The following TLE1 variants were observed in gnomAD, a reference collection of about 807,000 sequenced individuals.
TLE1 encodes the protein transducin-like enhancer protein 1.
Under a neutral mutation model 89.8 loss-of-function variants are expected in TLE1, and 21 were observed. The observed-to-expected ratio is 0.23, with a 90% CI of 0.17 to 0.34. The LOEUF is 0.34. TLE1 is among the 10% of genes least tolerant of loss of function. TLE1 has a pLI of 1.00. For missense variants in TLE1, 795 were observed against 1,031.2 expected, an observed-to-expected ratio of 0.77 and a Z score of 3.14; for synonymous variants, 447 against 407.6, an observed-to-expected ratio of 1.10 and a Z score of -1.16.
intron 14 of TLE1, among the ~76,000 whole-genome samples, chr9:81,595,637 T>G (rs942353318): frequency 6.6e-6 from 1 of 150,906 alleles, no homozygotes; most frequent in Non-Finnish European, 1.5e-5. Flanking sequence ...GCTAACAGAG[T>G]GAAACCCCAT....
At chr9:81,617,213 A>G (rs1824651373) in intron 9 of TLE1, among the ~76,000 whole-genome samples, 1 of 152,094 alleles carries the variant, frequency 6.6e-6, no homozygotes, top group Non-Finnish European at 1.5e-5. Context: ...TTTTCTCTTA[A>G]GTAACAAAAA....
intron 9 of TLE1, 48 bp from the exon 10 acceptor site, chr9:81,616,747 T>C (rs766809076): frequency 4.4e-6 from 7 of 1,604,976 alleles, no homozygotes; most frequent in Non-Finnish European, 6.0e-6. Flanking sequence ...TAAGAATAGG[T>C]TTGAGGCACA....
intron 4 of TLE1, among the ~76,000 whole-genome samples, chr9:81,665,344 C>T (rs1260835425): frequency 2.6e-5 from 4 of 152,152 alleles, no homozygotes; most frequent in Admixed American, 2.0e-4. Context: ...CTAATCAGAA[C>T]ACAAGTCACC....
intron 5 of TLE1, 70 bp from the exon 6 acceptor site, chr9:81,652,358 A>T (rs1829662883): frequency 3.0e-6 from 4 of 1,354,920 alleles, no homozygotes; most frequent in Non-Finnish European, 4.2e-6. Context: ...TAACAACAAA[A>T]AGTCAAATGC....
At position 81,610,967 on chromosome 9, in the gene TLE1, A is replaced by C. The variant is rs562721319; in HGVS notation, c.1255-671T>G. Among the ~76,000 whole-genome samples the C allele has an allele frequency of 1.4e-4, 22 of 152,268 alleles. No homozygotes were observed. In the South Asian group the frequency reaches 4.6e-3, roughly 32 times the overall value. On this transcript the variant is annotated intron_variant, in intron 13 of 19. Transcript: ENST00000376499. ...CCGCCACTGCACAGCCTCTCCTACA[A>C]GTGCAATATCAGGAAAAACAAATGA... is the stretch of plus-strand genomic sequence containing the variant.
chr9:81,615,178 G>A (rs1268735253), intron 11 of TLE1, among the ~76,000 whole-genome samples: 1 of 147,934 alleles, frequency 6.8e-6, no homozygotes, highest in African/African-American at 2.5e-5. Flanking sequence ...CTAATGTATG[G>A]TGGTACCAGG....
chr9:81,587,924 G>GTGTGTCATCCCACC (rs1554716661), intron 16 of TLE1, 96 bp from the exon 17 acceptor site: 4 of 1,019,684 alleles, frequency 3.9e-6, no homozygotes, highest in Non-Finnish European at 5.4e-6. Flanking sequence ...GTGTGTGTGT[G>GTGTGTCATCCCACC]TGTGTGTGTG....
chr9:81,614,337 A>C lies in TLE1; in HGVS notation c.919-816T>G, dbSNP rs556684240. ...CTTACCAATATGCCTAAAAAGAACA[A>C]CACTTTGGAGTTAAGAGTCACTGCC... is the stretch of plus-strand genomic sequence containing the variant. On this transcript the variant is annotated intron_variant, in intron 11 of 19. Coordinates refer to ENST00000376499, the MANE Select transcript of TLE1 (RefSeq NM_005077.5). Among the ~76,000 whole-genome samples, 5 of 152,300 alleles carry C rather than the reference A, an allele frequency of 3.3e-5. No homozygotes were observed. In the East Asian group the frequency reaches 7.8e-4, roughly 24 times the overall value.
chr9:81,615,533 T>C (rs1384189462), intron 11 of TLE1, among the ~76,000 whole-genome samples: 4 of 112,232 alleles, frequency 3.6e-5, no homozygotes, highest in Non-Finnish European at 6.8e-5. Context: ...ACCCCATCTC[T>C]ACTAAAAATA....
Position 81,584,157 on chromosome 9 carries a change from T to G in TLE1, c.*41A>C, listed in dbSNP as rs778520235. 2 of 1,525,716 alleles carry G rather than the reference T, an allele frequency of 1.3e-6. No homozygotes were observed. Among genetic ancestry groups the G allele is most frequent in the East Asian group, 4.5e-5 (2 of 44,432 alleles). The allele number at this position is 1,525,716 out of a possible 1,614,324, so 94.5% of individuals were successfully genotyped here. On this transcript the variant is annotated 3_prime_UTR_variant, in exon 20 of 20. Coordinates refer to ENST00000376499, the MANE Select transcript of TLE1 (RefSeq NM_005077.5). ...TCTATTTCTATAAATTCGAAACATT[T>G]TGGCCCAATTCAACTATAAACGTTA... is the stretch of plus-strand genomic sequence containing the variant.
At chr9:81,674,030 C>CTTTA (rs1167627166) in intron 4 of TLE1, among the ~76,000 whole-genome samples, 2 of 152,136 alleles carry the variant, frequency 1.3e-5, no homozygotes, top group African/African-American at 4.8e-5. Flanking sequence ...ACTCACTAAT[C>CTTTA]CATAGAGGCC....
intron 6 of TLE1, among the ~76,000 whole-genome samples, chr9:81,650,010 T>C (rs1829347526): frequency 6.6e-6 from 1 of 152,168 alleles, no homozygotes; most frequent in African/African-American, 2.4e-5. Context: ...AAACCGCACA[T>C]GCCAGTATGC....
At chr9:81,586,119 G>A (rs1026954668) in intron 17 of TLE1, among the ~76,000 whole-genome samples, 2 of 150,022 alleles carry the variant, frequency 1.3e-5, no homozygotes, top group African/African-American at 4.9e-5. Context: ...TTGGGTTCAC[G>A]CCATTCTCCT....
chr9:81,678,380 A>ATT (rs35206989), intron 4 of TLE1, among the ~76,000 whole-genome samples: 6 of 151,820 alleles, frequency 4.0e-5, no homozygotes, highest in South Asian at 2.1e-4. Context: ...GGCCCAATTA[A>ATT]TTTTTTTTAA....
intron 8 of TLE1, among the ~76,000 whole-genome samples, chr9:81,630,462 CTCT>C (rs1440413043): frequency 3.3e-5 from 5 of 152,264 alleles, no homozygotes; most frequent in Non-Finnish European, 5.9e-5. Flanking sequence ...AATTAAGTAG[CTCT>C]TCATCTGTTT....
At chr9:81,645,932 G>A (rs1232696902) in intron 6 of TLE1, among the ~76,000 whole-genome samples, 1 of 151,980 alleles carries the variant, frequency 6.6e-6, no homozygotes, top group African/African-American at 2.4e-5. Context: ...CTATAATGGG[G>A]TACTCTATTT....
At chr9:81,683,249 ATGT>A (rs1394309520) in intron 4 of TLE1, among the ~76,000 whole-genome samples, 4 of 150,124 alleles carry the variant, frequency 2.7e-5, no homozygotes, top group East Asian at 3.9e-4. Flanking sequence ...AGTAACAAAG[ATGT>A]TGTCAAAAAT....
At chr9:81,679,304 CT>C (rs56022025) in intron 4 of TLE1, among the ~76,000 whole-genome samples, 102,414 of 151,574 alleles carry the variant, frequency 0.68, 34,717 homozygotes, top group East Asian at 0.81. Context: ...TTTTTCTTCA[CT>C]TTTTTTTCTT....
chr9:81,639,641 G>C (rs1433940498), intron 6 of TLE1, among the ~76,000 whole-genome samples: 1 of 143,420 alleles, frequency 7.0e-6, no homozygotes, highest in Non-Finnish European at 1.5e-5. Flanking sequence ...GGAGTGCAGT[G>C]GTGCAATCTC....
Sources: gnomAD v4.1 joint callset for allele counts (sites outside exome capture counted in the v4.1 genomes callset) on GRCh38, gnomAD v4.1.1 for gene constraint, MANE v1.5 for transcripts, NCBI Gene and HGNC (gene_info 2026-07-23, HGNC 2026-07-21) for gene names.